The following C12orf42 variants were observed in gnomAD, a reference collection of about 807,000 sequenced individuals.
The protein encoded by C12orf42 is uncharacterized protein C12orf42.
C12orf42 carries 25 observed loss-of-function variants against 21.6 expected under a neutral mutation model. The observed-to-expected ratio is 1.16, with a 90% CI of 0.84 to 1.62. The LOEUF (loss-of-function observed/expected upper bound fraction) is 1.62, where lower values mean the gene tolerates loss of function less well. Ranked by LOEUF, C12orf42 falls within the 40% of genes most tolerant of loss-of-function variation. C12orf42 has a pLI of 0.00. For missense variants in C12orf42, 483 were observed against 459.3 expected (o/e 1.05, Z -0.47); for synonymous variants, 174 against 175.0 (o/e 0.99, Z 0.05).
the C12orf42 span, among the ~76,000 whole-genome samples, chr12:103,057,605 T>G: frequency 6.6e-6 from 1 of 152,198 alleles, no homozygotes; most frequent in Non-Finnish European, 1.5e-5. Context: ...CTATCATTGA[T>G]GGGCATTTGG....
chr12:103,399,398 T>A (rs1294004637), intron 3 of C12orf42, among the ~76,000 whole-genome samples: 1 of 151,678 alleles, frequency 6.6e-6, no homozygotes, highest in Non-Finnish European at 1.5e-5. Context: ...AAACAGAGTC[T>A]CACTCTGTCG....
At chr12:103,506,892 A>ATAT in the C12orf42 span, among the ~76,000 whole-genome samples, 6 of 26,040 alleles carry the variant, frequency 2.3e-4, no homozygotes, top group South Asian at 3.5e-3. Flanking sequence ...TATATTAAAT[A>ATAT]TATATTTATA....
At chr12:103,270,805 C>T (rs1163412835) in intron 5 of C12orf42, among the ~76,000 whole-genome samples, 1 of 134,600 alleles carries the variant, frequency 7.4e-6, no homozygotes, top group African/African-American at 2.7e-5. Context: ...TGATCTAAAA[C>T]ATCTAGGTCT....
At chr12:103,348,377 A>G (rs2042818514) in intron 4 of C12orf42, among the ~76,000 whole-genome samples, 1 of 152,208 alleles carries the variant, frequency 6.6e-6, no homozygotes, top group African/African-American at 2.4e-5. Flanking sequence ...TAGAAGATGT[A>G]GGCAAAACCC....
At chr12:103,411,301 A>C in intron 2 of C12orf42, among the ~76,000 whole-genome samples, 1 of 152,204 alleles carries the variant, frequency 6.6e-6, no homozygotes, top group South Asian at 2.1e-4. Context: ...AAAAAATCAT[A>C]ATCAAAAGGG....
chr12:103,415,488 C>A (rs2139002095), intron 2 of C12orf42, among the ~76,000 whole-genome samples: 1 of 152,302 alleles, frequency 6.6e-6, no homozygotes, highest in African/African-American at 2.4e-5. Context: ...TTCTTCTCAT[C>A]TGCACACAGA....
chr12:103,309,723 C>G (rs1050538778), intron 4 of C12orf42, among the ~76,000 whole-genome samples: 4 of 152,214 alleles, frequency 2.6e-5, no homozygotes, highest in African/African-American at 9.6e-5. Context: ...TTCTTGATTT[C>G]TACCAGGTAG....
At chr12:103,478,583 A>ATTTTTT in intron 1 of C12orf42, 136 bp from the exon 2 acceptor site, 2 of 279,896 alleles carry the variant, frequency 7.1e-6, no homozygotes, top group Non-Finnish European at 1.3e-5. Context: ...ACTTTCAATA[A>ATTTTTT]TTTTTTTTTT....
At chr12:103,234,060 A>G (rs932107876), downstream of C12orf42, among the ~76,000 whole-genome samples, 10 of 152,226 alleles carry the variant, frequency 6.6e-5, no homozygotes, top group African/African-American at 2.2e-4. Flanking sequence ...AAATCTATTG[A>G]TATGTTATGT....
At chr12:103,136,160 C>CA in the C12orf42 span, among the ~76,000 whole-genome samples, 2 of 152,082 alleles carry the variant, frequency 1.3e-5, no homozygotes, top group South Asian at 2.1e-4. Context: ...ACAGACTTCA[C>CA]AAAAAAACCT....
At chr12:103,259,432 C>T (rs984128021) in intron 10 of C12orf42, among the ~76,000 whole-genome samples, 39 of 152,108 alleles carry the variant, frequency 2.6e-4, no homozygotes, top group African/African-American at 8.4e-4. Flanking sequence ...GTGCCCATGA[C>T]CATGCTTGGC....
chr12:103,210,053 C>CTT, the C12orf42 span, among the ~76,000 whole-genome samples: 2 of 146,334 alleles, frequency 1.4e-5, no homozygotes, highest in African/African-American at 5.0e-5. Flanking sequence ...TTCTTCCATA[C>CTT]TTTTTTTTTT....
At chr12:103,143,926 C>T in the C12orf42 span, among the ~76,000 whole-genome samples, 4 of 152,150 alleles carry the variant, frequency 2.6e-5, no homozygotes, top group Admixed American at 2.6e-4. Context: ...GATAATAATA[C>T]TATACTACGA....
the C12orf42 span, among the ~76,000 whole-genome samples, chr12:103,175,625 C>A: frequency 6.6e-6 from 1 of 152,178 alleles, no homozygotes; most frequent in Non-Finnish European, 1.5e-5. Context: ...GAATAATTTT[C>A]TATTACACTC....
At chr12:103,198,829 T>C in the C12orf42 span, among the ~76,000 whole-genome samples, 1 of 152,158 alleles carries the variant, frequency 6.6e-6, no homozygotes, top group African/African-American at 2.4e-5. Flanking sequence ...CTTCCCTCCA[T>C]CCACTCTCAA....
At chr12:103,087,130 G>A in the C12orf42 span, among the ~76,000 whole-genome samples, 1 of 151,938 alleles carries the variant, frequency 6.6e-6, no homozygotes, top group Non-Finnish European at 1.5e-5. Context: ...TACACGTGCA[G>A]GTTTATCACA....
rs180919467 is a variant in C12orf42 at position 103,391,599 on chromosome 12, T to A, written c.147+10008A>T. On this transcript the variant is annotated intron_variant, in intron 3 of 5. Coordinates refer to ENST00000548883, the MANE Select transcript of C12orf42 (RefSeq NM_198521.5). Reference sequence around the variant, plus strand: ...CTTTTCAAGTCCTTTGCCCATTTTTTAATTGGGTTGGTCTTTTGTTGGTGA... The same window carrying A: ...CTTTTCAAGTCCTTTGCCCATTTTTAAATTGGGTTGGTCTTTTGTTGGTGA... Among the ~76,000 whole-genome samples the A allele has an allele frequency of 5.8e-3, 889 of 152,162 alleles. 5 individuals carry two copies. The highest frequency in any genetic ancestry group is 0.01 in the Middle Eastern group (3 of 292).
At chr12:103,534,223 G>A in the C12orf42 span, among the ~76,000 whole-genome samples, 7 of 152,014 alleles carry the variant, frequency 4.6e-5, no homozygotes, top group East Asian at 3.8e-4. Flanking sequence ...TCTGCCAATC[G>A]CTGTGTAGAG....
the C12orf42 span, among the ~76,000 whole-genome samples, chr12:103,223,061 G>A: frequency 2.6e-5 from 4 of 151,824 alleles, no homozygotes; most frequent in African/African-American, 9.7e-5. Flanking sequence ...ATTATACATA[G>A]TGTATAAAAA....
Sources: gnomAD v4.1 joint callset for allele counts (sites outside exome capture counted in the v4.1 genomes callset) on GRCh38, gnomAD v4.1.1 for gene constraint, MANE v1.5 for transcripts, NCBI Gene and HGNC (gene_info 2026-07-23, HGNC 2026-07-21) for gene names.